The following SH3RF3 variants were observed in gnomAD, a reference collection of about 807,000 sequenced individuals.
The protein encoded by SH3RF3 is E3 ubiquitin-protein ligase SH3RF3.
In SH3RF3, 29 loss-of-function variants were observed where a neutral mutation model predicts 66.3. That is an observed-to-expected ratio of 0.44 (90% CI 0.33 to 0.60). The LOEUF is 0.60. SH3RF3 is among the 20% of genes least tolerant of loss of function. SH3RF3 has a pLI of 0.04. For missense variants in SH3RF3, 1,194 were observed against 1,190.9 expected, an observed-to-expected ratio of 1.00 and a Z score of -0.04; for synonymous variants, 583 against 532.0, an observed-to-expected ratio of 1.10 and a Z score of -1.32.
intron 1 of SH3RF3, among the ~76,000 whole-genome samples, chr2:109,330,338 C>T (rs1031655175): frequency 1.3e-5 from 2 of 152,192 alleles, no homozygotes; most frequent in Non-Finnish European, 2.9e-5. Flanking sequence ...TTGTGCCTAT[C>T]TCTCTCCGTC....
At chr2:109,368,810 A>G (rs1188115830) in intron 2 of SH3RF3, among the ~76,000 whole-genome samples, 2 of 151,854 alleles carry the variant, frequency 1.3e-5, no homozygotes, top group East Asian at 3.9e-4. Context: ...TTAAATTTCT[A>G]TCTTGTGATA....
chr2:109,246,048 C>A (rs892454379), intron 1 of SH3RF3, among the ~76,000 whole-genome samples: 1 of 152,222 alleles, frequency 6.6e-6, no homozygotes, highest in African/African-American at 2.4e-5. Context: ...CACCTGGATT[C>A]ATACTTCAAT....
At position 109,437,087 on chromosome 2, in the gene SH3RF3, G is replaced by C. The variant is rs762700461; in HGVS notation, c.1769G>C (p.Ser590Thr). The part of the protein sequence containing the change: ...QHPTASPPTG[S>T]CLRHSAQPTA... ...CCCACAGCCTCGCCCCCAACAGGCA[G>C]CTGTCTACGGCACTCAGCCCAGCCA... Residue 590 changes from serine to threonine, a missense_variant, in exon 7 of 10, where the codon AGC (serine) becomes ACC (threonine). Transcript: ENST00000309415. The C allele has an allele frequency of 7.4e-6, 12 of 1,613,580 alleles. No individual in the cohort carries two copies. Among genetic ancestry groups the C allele is most frequent in the Non-Finnish European group, 1.0e-5 (12 of 1,179,800 alleles).
chr2:109,376,470 A>G (rs1312513285), intron 3 of SH3RF3, among the ~76,000 whole-genome samples: 1 of 152,172 alleles, frequency 6.6e-6, no homozygotes, highest in Non-Finnish European at 1.5e-5. Context: ...CATGTTAGCA[A>G]ATACGCCAGT....
At chr2:109,302,967 C>G (rs1465616626) in intron 1 of SH3RF3, among the ~76,000 whole-genome samples, 1 of 152,116 alleles carries the variant, frequency 6.6e-6, no homozygotes, top group Non-Finnish European at 1.5e-5. Flanking sequence ...ACCTCTGCCT[C>G]CCAGGTTCAA....
chr2:109,469,843 G>A (rs1678456900), intron 8 of SH3RF3, among the ~76,000 whole-genome samples: 2 of 152,216 alleles, frequency 1.3e-5, no homozygotes, highest in South Asian at 2.1e-4. Context: ...TTGGTTATGT[G>A]TGCAGCTTGG....
intron 1 of SH3RF3, among the ~76,000 whole-genome samples, chr2:109,259,844 GT>G (rs1328900825): frequency 2.6e-5 from 4 of 152,172 alleles, no homozygotes; most frequent in African/African-American, 7.2e-5. Flanking sequence ...AGCATCTGGT[GT>G]TTGGACAGCC....
chr2:109,160,796 G>A (rs140842985), intron 1 of SH3RF3, among the ~76,000 whole-genome samples: 77 of 152,310 alleles, frequency 5.1e-4, no homozygotes, highest in Middle Eastern at 3.4e-3. Flanking sequence ...GGGCTGAGGC[G>A]TGATGCTGGA....
intron 8 of SH3RF3, among the ~76,000 whole-genome samples, chr2:109,473,924 A>C (rs1459371242): frequency 2.0e-5 from 3 of 152,042 alleles, no homozygotes; most frequent in African/African-American, 4.8e-5. Flanking sequence ...CATTACCCCT[A>C]GGGTAATGCT....
intron 1 of SH3RF3, among the ~76,000 whole-genome samples, chr2:109,218,400 A>G (rs1266325686): frequency 6.6e-6 from 1 of 152,172 alleles, no homozygotes; most frequent in East Asian, 1.9e-4. Context: ...TGTTCTAGAA[A>G]CAGTCTTTGA....
intron 1 of SH3RF3, among the ~76,000 whole-genome samples, chr2:109,187,626 A>G (rs1384437690): frequency 6.6e-6 from 1 of 152,154 alleles, no homozygotes; most frequent in Non-Finnish European, 1.5e-5. Flanking sequence ...TAGCCTAGGT[A>G]TGTCTTAGGC....
At chr2:109,482,138 TG>T (rs1678851285) in intron 8 of SH3RF3, among the ~76,000 whole-genome samples, 1 of 152,174 alleles carries the variant, frequency 6.6e-6, no homozygotes, top group Non-Finnish European at 1.5e-5. Flanking sequence ...GCTTTTGAGT[TG>T]ATTACCCTGT....
At chr2:109,264,044 A>C (rs1680420740) in intron 1 of SH3RF3, among the ~76,000 whole-genome samples, 1 of 152,200 alleles carries the variant, frequency 6.6e-6, no homozygotes, top group Non-Finnish European at 1.5e-5. Flanking sequence ...CATGGTTTGC[A>C]AAACCATCTG....
intron 7 of SH3RF3, 88 bp from the exon 8 acceptor site, chr2:109,449,082 A>T (rs981451446): frequency 8.9e-6 from 13 of 1,453,052 alleles, no homozygotes; most frequent in Admixed American, 4.1e-5. Flanking sequence ...TCGAGAAGGG[A>T]GCCTGAGTGT....
intron 2 of SH3RF3, among the ~76,000 whole-genome samples, chr2:109,369,390 G>A (rs113444997): frequency 1.3e-5 from 2 of 152,188 alleles, no homozygotes; most frequent in South Asian, 2.1e-4. Context: ...CACACTCAAC[G>A]CTGAGCGTTG....
intron 1 of SH3RF3, among the ~76,000 whole-genome samples, chr2:109,180,246 C>T (rs1008624970): frequency 6.6e-6 from 1 of 152,148 alleles, no homozygotes; most frequent in Admixed American, 6.5e-5. Context: ...AGGGCTTCGG[C>T]CTCCTTCCTT....
At chr2:109,301,101 T>G (rs893813782) in intron 1 of SH3RF3, among the ~76,000 whole-genome samples, 2 of 152,226 alleles carry the variant, frequency 1.3e-5, no homozygotes, top group African/African-American at 4.8e-5. Flanking sequence ...TAATCATTGC[T>G]ATTTTAATAC....
chr2:109,179,963 C>G (rs1678037499), intron 1 of SH3RF3, among the ~76,000 whole-genome samples: 1 of 50,958 alleles, frequency 2.0e-5, no homozygotes, highest in African/African-American at 6.0e-5. Flanking sequence ...TCATTTGGAC[C>G]CAAAGGTGTT....
At chr2:109,238,449 T>TTGTGTG (rs56112018) in intron 1 of SH3RF3, among the ~76,000 whole-genome samples, 35 of 142,712 alleles carry the variant, frequency 2.5e-4, no homozygotes, top group African/African-American at 4.9e-4. Context: ...TTATGTATAT[T>TTGTGTG]TGTGTGTGTG....
Sources: gnomAD v4.1 joint callset for allele counts (sites outside exome capture counted in the v4.1 genomes callset) on GRCh38, gnomAD v4.1.1 for gene constraint, MANE v1.5 for transcripts, NCBI Gene and HGNC (gene_info 2026-07-23, HGNC 2026-07-21) for gene names.